Variants in SKAP1 observed in about 807,000 individuals in gnomAD.
SKAP1 encodes src kinase associated phosphoprotein 1.
Under a neutral mutation model 58.5 loss-of-function variants are expected in SKAP1, and 44 were observed. That is an observed-to-expected ratio of 0.75 (90% CI 0.59 to 0.97). The LOEUF is 0.97. SKAP1 is among the 50% of genes least tolerant of loss of function. The pLI, the probability that SKAP1 is intolerant of heterozygous loss-of-function variation, is 0.00. For synonymous variants in SKAP1, 127 were observed against 149.7 expected, an observed-to-expected ratio of 0.85 and a Z score of 1.11; for missense variants, 390 against 435.2, an observed-to-expected ratio of 0.90 and a Z score of 0.92.
intron 4 of SKAP1, among the ~76,000 whole-genome samples, chr17:48,283,329 A>G (rs2065791426): frequency 6.6e-6 from 1 of 152,216 alleles, no homozygotes; most frequent in Non-Finnish European, 1.5e-5. Context: ...TAAAATAATA[A>G]TAAAATTTAG....
At chr17:48,334,085 C>T (rs2066537736) in intron 4 of SKAP1, among the ~76,000 whole-genome samples, 1 of 151,876 alleles carries the variant, frequency 6.6e-6, no homozygotes, top group Non-Finnish European at 1.5e-5. Flanking sequence ...GATGCAGTTT[C>T]CTAGGAAATT....
At position 48,210,245 on chromosome 17, in the gene SKAP1, C is replaced by T. The variant is rs370867007; in HGVS notation, c.281-20745G>A. Among the ~76,000 whole-genome samples the T allele has an allele frequency of 5.5e-4, 83 of 152,266 alleles. 1 individual carries two copies. The South Asian group carries it at 0.017, about 32-fold the overall frequency. On this transcript the variant is annotated intron_variant, in intron 4 of 12. Coordinates refer to ENST00000336915, the MANE Select transcript of SKAP1 (RefSeq NM_003726.4). ...TTATCAGTCATCGACACCTTGGAGCCGTGGTTCGTAACTCTGGCTGCACAT... is the reference window on the plus strand; with the variant it reads ...TTATCAGTCATCGACACCTTGGAGCTGTGGTTCGTAACTCTGGCTGCACAT...
chr17:48,239,852 G>GAC (rs951667926), intron 4 of SKAP1, among the ~76,000 whole-genome samples: 25 of 85,374 alleles, frequency 2.9e-4, no homozygotes, highest in African/African-American at 7.6e-4. Flanking sequence ...GAGAGAGACA[G>GAC]AGAGAGAGAG....
At chr17:48,146,162 G>A (rs188839020) in intron 11 of SKAP1, among the ~76,000 whole-genome samples, 17 of 151,904 alleles carry the variant, frequency 1.1e-4, no homozygotes, top group African/African-American at 3.4e-4. Flanking sequence ...GGGTATCCTC[G>A]CGCTCCCCAC....
At chr17:48,222,036 C>T (rs773790816) in intron 4 of SKAP1, among the ~76,000 whole-genome samples, 1 of 152,084 alleles carries the variant, frequency 6.6e-6, no homozygotes, top group Non-Finnish European at 1.5e-5. Flanking sequence ...TTATAATAAG[C>T]CCAGTCAACC....
chr17:48,399,263 C>G (rs539182542), intron 1 of SKAP1, among the ~76,000 whole-genome samples: 1 of 152,186 alleles, frequency 6.6e-6, no homozygotes, highest in South Asian at 2.1e-4. Context: ...TAAATGACAT[C>G]TAAGATTCAA....
At chr17:48,370,987 A>T (rs548948454) in intron 2 of SKAP1, among the ~76,000 whole-genome samples, 54 of 152,342 alleles carry the variant, frequency 3.5e-4, no homozygotes, top group African/African-American at 1.3e-3. Context: ...AACAAGATGG[A>T]TGCAGCTGGA....
In SKAP1 at chr17:48,180,168, A is replaced by C; in HGVS notation, c.712T>G (p.Phe238Val). ...TGGGAACCACAACTTGGGGAGTCAA[A>C]ACCATCAATATCATCATATGTCTCT... ...KEETYDDIDGFDSPSCGSQCR... is the reference protein window; with the variant it reads ...KEETYDDIDGVDSPSCGSQCR... The change falls in exon 9 of 13, where the codon TTT becomes GTT. Residue 238 changes from phenylalanine to valine, a missense_variant. Phe to Val is a conservative substitution (Grantham distance 50). Transcript: ENST00000336915. 6.2e-7 allele frequency: 1 copy of C among 1,613,854 alleles called. No individual in the cohort carries two copies. Among genetic ancestry groups the C allele is most frequent in the Non-Finnish European group, 8.5e-7 (1 of 1,179,908 alleles).
At position 48,189,421 on chromosome 17, in the gene SKAP1, A is replaced by G. The variant is rs2064506065; in HGVS notation, c.358+2T>C. 1 of 1,610,092 alleles carries G rather than the reference A, an allele frequency of 6.2e-7. No homozygotes were observed. The highest frequency in any genetic ancestry group is 1.3e-5 in the African/African-American group (1 of 74,748). ...TCTGAAATCTGTGGGTCTGACCAAT[A>G]CCTTTGCTTTTCTTCTCCAAGTATC... On this transcript the variant is annotated splice_donor_variant, in intron 5 of 12. Coordinates refer to ENST00000336915, the MANE Select transcript of SKAP1 (RefSeq NM_003726.4). LOFTEE classifies it high-confidence loss of function.
At chr17:48,366,836 G>A (rs1454531134) in intron 2 of SKAP1, among the ~76,000 whole-genome samples, 1 of 152,060 alleles carries the variant, frequency 6.6e-6, no homozygotes, top group Admixed American at 6.5e-5. Flanking sequence ...TCGAGTATGT[G>A]CATACATGTA....
intron 2 of SKAP1, among the ~76,000 whole-genome samples, chr17:48,368,011 A>C (rs1160063702): frequency 6.6e-6 from 1 of 152,096 alleles, no homozygotes; most frequent in Non-Finnish European, 1.5e-5. Context: ...CTTTTTCAGA[A>C]GGTATCTTGC....
At chr17:48,155,904 G>A (rs2063970665) in intron 11 of SKAP1, among the ~76,000 whole-genome samples, 1 of 152,204 alleles carries the variant, frequency 6.6e-6, no homozygotes, top group Non-Finnish European at 1.5e-5. Flanking sequence ...GTCCACAAAA[G>A]GGTCTTGCAA....
intron 3 of SKAP1, among the ~76,000 whole-genome samples, chr17:48,359,706 G>C (rs1043665776): frequency 6.6e-6 from 1 of 151,942 alleles, no homozygotes; most frequent in African/African-American, 2.4e-5. Flanking sequence ...TGCCAGGCTT[G>C]AGTGATCCTC....
chr17:48,247,876 C>T (rs925870131), intron 4 of SKAP1, among the ~76,000 whole-genome samples: 3 of 152,150 alleles, frequency 2.0e-5, no homozygotes, highest in African/African-American at 7.2e-5. Flanking sequence ...CAATGACCTG[C>T]TTATTTTCTT....
chr17:48,384,740 A>G (rs1383808435), intron 2 of SKAP1, among the ~76,000 whole-genome samples: 1 of 152,166 alleles, frequency 6.6e-6, no homozygotes, highest in East Asian at 1.9e-4. Flanking sequence ...GGAAGAAGGG[A>G]TGGTGGCTGC....
At chr17:48,327,727 C>T (rs1256384882) in intron 4 of SKAP1, among the ~76,000 whole-genome samples, 1 of 152,086 alleles carries the variant, frequency 6.6e-6, no homozygotes, top group African/African-American at 2.4e-5. Context: ...CTCCTGGGCT[C>T]AAGCCGTCCT....
Position 48,189,500 on chromosome 17 carries a change from C to T in SKAP1, c.281G>A (p.Gly94Glu). The part of the protein sequence containing the change: ...APFLSDYQDE[G>E]MEDIVKGAQE... ...AGCTCCTTTTACGATGTCTTCCATT[C>T]CTAAAAGGACCAATGGCAAAATGCT... Residue 94 changes from glycine to glutamate, a missense_variant and splice_region_variant, in exon 5 of 13, where the codon GGA becomes GAA. Gly to Glu is a moderately conservative substitution (Grantham distance 98, BLOSUM62 -2). Transcript: ENST00000336915. The T allele has an allele frequency of 3.1e-6, 5 of 1,609,652 alleles. No homozygotes were observed. The highest frequency in any genetic ancestry group is 4.2e-6 in the Non-Finnish European group (5 of 1,178,194).
At chr17:48,404,922 A>G (rs570539591) in intron 1 of SKAP1, among the ~76,000 whole-genome samples, 1 of 152,298 alleles carries the variant, frequency 6.6e-6, no homozygotes, top group African/African-American at 2.4e-5. Context: ...TAAAAGCAAG[A>G]ATGGCAATAA....
chr17:48,382,200 A>G (rs1166303880), intron 2 of SKAP1, among the ~76,000 whole-genome samples: 1 of 151,286 alleles, frequency 6.6e-6, no homozygotes, highest in African/African-American at 2.4e-5. Flanking sequence ...AAAAAAACCC[A>G]CATGGGGGGA....
Sources: allele counts gnomAD v4.1 joint callset (sites outside exome capture counted in the v4.1 genomes callset), GRCh38; gene constraint gnomAD v4.1.1; transcripts MANE v1.5; gene names NCBI Gene and HGNC (gene_info 2026-07-23, HGNC 2026-07-21).